Variants in NLK observed in about 807,000 individuals in gnomAD.
NLK encodes the protein serine/threonine-protein kinase NLK.
In NLK, 11 loss-of-function variants were observed where a neutral mutation model predicts 59.0. The ratio of observed to expected loss-of-function variants is 0.19; its 90% CI spans 0.12 to 0.31. The LOEUF is 0.31. Among genes scored for constraint, NLK ranks in the 10% least tolerant of loss-of-function variants. The pLI is 1.00. For missense variants in NLK, 410 were observed against 661.1 expected (o/e 0.62, Z 4.16); for synonymous variants, 235 against 235.9 (o/e 1.00, Z 0.03).
chr17:28,190,510 A>G (rs1909268009), intron 8 of NLK, among the ~76,000 whole-genome samples: 2 of 152,268 alleles, frequency 1.3e-5, no homozygotes, highest in Middle Eastern at 3.4e-3. Flanking sequence ...CTATATCTCA[A>G]AATATGGCAG....
intron 1 of NLK, among the ~76,000 whole-genome samples, chr17:28,098,675 C>CTTTTTTT (rs781294029): frequency 5.5e-4 from 37 of 67,540 alleles, no homozygotes; most frequent in African/African-American, 6.2e-4. Context: ...CATTACCATT[C>CTTTTTTT]TTTTTTTTTT....
rs376669828 is a variant in NLK at position 28,089,857 on chromosome 17, A to C, written c.459-32746A>C. Among the ~76,000 whole-genome samples, 636 of 152,172 alleles carry C rather than the reference A, an allele frequency of 4.2e-3. 5 individuals carry two copies. Among genetic ancestry groups the C allele is most frequent in the Middle Eastern group, 0.01 (3 of 294 alleles). On this transcript the variant is annotated intron_variant, in intron 1 of 10. Coordinates refer to ENST00000407008, the MANE Select transcript of NLK (RefSeq NM_016231.5). Reference sequence around the variant, plus strand: ...TCTTCTTTGCTGAATTATCTGTTCAAATCTTCTCTCTACTTTTAAAAAAAA... The same window carrying C: ...TCTTCTTTGCTGAATTATCTGTTCACATCTTCTCTCTACTTTTAAAAAAAA...
At chr17:28,186,297 G>C (rs975385350) in intron 8 of NLK, among the ~76,000 whole-genome samples, 1 of 152,180 alleles carries the variant, frequency 6.6e-6, no homozygotes, top group Non-Finnish European at 1.5e-5. Context: ...AAATAATTCT[G>C]TTAAGGAGTT....
At chr17:28,150,065 C>A (rs1290132154) in intron 3 of NLK, among the ~76,000 whole-genome samples, 1 of 152,132 alleles carries the variant, frequency 6.6e-6, no homozygotes, top group African/African-American at 2.4e-5. Context: ...GGTCAGACTT[C>A]AGAATCATTA....
intron 1 of NLK, among the ~76,000 whole-genome samples, chr17:28,073,260 C>A (rs553135970): frequency 1.3e-5 from 2 of 152,266 alleles, no homozygotes; most frequent in South Asian, 4.2e-4. Context: ...TTACCTATTT[C>A]ACTTACTAAG....
chr17:28,079,379 A>G (rs1239578489), intron 1 of NLK, among the ~76,000 whole-genome samples: 2 of 152,194 alleles, frequency 1.3e-5, no homozygotes, highest in Non-Finnish European at 2.9e-5. Flanking sequence ...ATATATGTCA[A>G]TAAGTAGGGT....
intron 2 of NLK, among the ~76,000 whole-genome samples, chr17:28,124,228 C>T (rs2142821213): frequency 6.6e-6 from 1 of 152,250 alleles, no homozygotes; most frequent in Non-Finnish European, 1.5e-5. Context: ...TAATACATTT[C>T]AAAATACCAC....
intron 1 of NLK, among the ~76,000 whole-genome samples, chr17:28,117,138 G>A (rs1271056584): frequency 6.6e-6 from 1 of 152,154 alleles, no homozygotes; most frequent in Non-Finnish European, 1.5e-5. Context: ...CCTGCAGGCA[G>A]TTCAGATTCC....
intron 1 of NLK, among the ~76,000 whole-genome samples, chr17:28,092,184 T>C (rs1177102142): frequency 6.6e-6 from 1 of 152,030 alleles, no homozygotes; most frequent in Admixed American, 6.6e-5. Context: ...CCAACTTTTC[T>C]TTGGACACAT....
chr17:28,166,916 G>A (rs1047572705), intron 5 of NLK, among the ~76,000 whole-genome samples: 1 of 152,194 alleles, frequency 6.6e-6, no homozygotes, highest in Non-Finnish European at 1.5e-5. Flanking sequence ...TTTATGGCAT[G>A]AAGAAATGAA....
intron 2 of NLK, among the ~76,000 whole-genome samples, chr17:28,129,944 G>T (rs1164915131): frequency 6.6e-6 from 1 of 152,156 alleles, no homozygotes; most frequent in Non-Finnish European, 1.5e-5. Context: ...ATGAGCTTTT[G>T]TGTTTCTTAA....
intron 1 of NLK, among the ~76,000 whole-genome samples, chr17:28,045,060 G>A (rs1909005245): frequency 6.6e-6 from 1 of 152,168 alleles, no homozygotes; most frequent in African/African-American, 2.4e-5. Context: ...ATCTCACACA[G>A]CAAACGTTCT....
Position 28,086,887 on chromosome 17 carries a change from A to G in NLK, c.459-35716A>G, listed in dbSNP as rs543982105. 4.2e-4 allele frequency among the ~76,000 whole-genome samples: 63 copies of G among 151,038 alleles called. 1 individual carries two copies. Among genetic ancestry groups the G allele is most frequent in the Admixed American group, 9.9e-4 (15 of 15,188 alleles). On this transcript the variant is annotated intron_variant, in intron 1 of 10. Coordinates refer to ENST00000407008, the MANE Select transcript of NLK (RefSeq NM_016231.5). ...TAAAAAAAAATATATACATATATAT[A>G]TATTTTATATTTTAGCTGGTTGTGG... is the stretch of plus-strand genomic sequence containing the variant.
intron 1 of NLK, chr17:28,048,064 A>G (rs962474355): frequency 5.0e-6 from 2 of 397,698 alleles, no homozygotes; most frequent in Non-Finnish European, 8.9e-6. Flanking sequence ...TCTTCTAGAC[A>G]TAACAAAGCA....
At chr17:28,060,486 G>C (rs1055324927) in intron 1 of NLK, among the ~76,000 whole-genome samples, 2 of 151,976 alleles carry the variant, frequency 1.3e-5, no homozygotes, top group African/African-American at 4.8e-5. Flanking sequence ...TGCCCAGACT[G>C]GTCTCTAACT....
At chr17:28,057,693 CT>C (rs1257335065) in intron 1 of NLK, among the ~76,000 whole-genome samples, 1 of 152,058 alleles carries the variant, frequency 6.6e-6, no homozygotes, top group Admixed American at 6.6e-5. Flanking sequence ...GTTATTGTAG[CT>C]TTTTTTAAAG....
At chr17:28,151,660 C>T (rs1907483900) in intron 3 of NLK, among the ~76,000 whole-genome samples, 1 of 152,034 alleles carries the variant, frequency 6.6e-6, no homozygotes, top group East Asian at 1.9e-4. Flanking sequence ...TGTGTTTTGC[C>T]CTGAACTTTC....
chr17:28,151,106 A>G (rs1214989077), intron 3 of NLK, among the ~76,000 whole-genome samples: 2 of 152,100 alleles, frequency 1.3e-5, no homozygotes, highest in African/African-American at 2.4e-5. Context: ...AGTTAATGGC[A>G]CCTCTGAGTC....
intron 2 of NLK, among the ~76,000 whole-genome samples, chr17:28,129,553 A>C (rs1157719292): frequency 6.6e-6 from 1 of 152,152 alleles, no homozygotes; most frequent in African/African-American, 2.4e-5. Flanking sequence ...TATACTCAGG[A>C]TTTGTATACC....
Sources: gnomAD v4.1 joint callset for allele counts (sites outside exome capture counted in the v4.1 genomes callset) on GRCh38, gnomAD v4.1.1 for gene constraint, MANE v1.5 for transcripts, NCBI Gene and HGNC (gene_info 2026-07-23, HGNC 2026-07-21) for gene names.